Variants in STYXL2 observed in about 807,000 individuals in gnomAD.
STYXL2 encodes the protein serine/threonine/tyrosine interacting like 2.
A neutral mutation model predicts 52.4 loss-of-function variants in STYXL2; 44 were observed. The observed-to-expected ratio is 0.84, with a 90% confidence interval of 0.66 to 1.08. The LOEUF is 1.08. Among genes scored for constraint, STYXL2 ranks in the 50% least tolerant of loss-of-function variants. STYXL2 has a pLI of 0.00. For missense variants in STYXL2, 1,604 were observed against 1,471.7 expected, an observed-to-expected ratio of 1.09 and a Z score of -1.47; for synonymous variants, 604 against 586.9, an observed-to-expected ratio of 1.03 and a Z score of -0.42.
chr1:167,124,667 G>C (rs1667923718), intron 5 of STYXL2, among the ~76,000 whole-genome samples: 1 of 152,226 alleles, frequency 6.6e-6, no homozygotes, highest in Non-Finnish European at 1.5e-5. Flanking sequence ...AAAGATGTTA[G>C]TAGGAATTTG....
chr1:167,098,003 C>CTT (rs35037292), intron 2 of STYXL2, among the ~76,000 whole-genome samples: 91 of 96,572 alleles, frequency 9.4e-4, no homozygotes, highest in Non-Finnish European at 1.1e-3. Flanking sequence ...TCTCTACAAA[C>CTT]TTTTTTTTTT....
At chr1:167,111,234 A>G (rs1667609627) in intron 2 of STYXL2, among the ~76,000 whole-genome samples, 1 of 151,850 alleles carries the variant, frequency 6.6e-6, no homozygotes, top group African/African-American at 2.4e-5. Context: ...GCTTGTGGGA[A>G]TGTAAACTAG....
At chr1:167,116,235 T>C (rs184504551) in intron 3 of STYXL2, among the ~76,000 whole-genome samples, 5 of 152,362 alleles carry the variant, frequency 3.3e-5, no homozygotes, top group Admixed American at 1.3e-4. Flanking sequence ...CCAAATTTGA[T>C]AAACTGTGAG....
chr1:167,121,987 T>A (rs1667866007), intron 5 of STYXL2, among the ~76,000 whole-genome samples: 1 of 152,126 alleles, frequency 6.6e-6, no homozygotes. Context: ...TTTAGGAGAC[T>A]TGGGAGTCAG....
intron 2 of STYXL2, among the ~76,000 whole-genome samples, chr1:167,110,977 T>A (rs1219258015): frequency 6.6e-6 from 1 of 152,186 alleles, no homozygotes; most frequent in South Asian, 2.1e-4. Flanking sequence ...GCCATTGAGA[T>A]GCTTTCTCTC....
intron 5 of STYXL2, among the ~76,000 whole-genome samples, chr1:167,123,350 A>C (rs1027153393): frequency 2.0e-5 from 3 of 152,316 alleles, no homozygotes; most frequent in African/African-American, 7.2e-5. Context: ...TGGCACCCCA[A>C]CCTGGTCTCC....
intron 2 of STYXL2, 98 bp downstream of exon 2, chr1:167,095,057 G>A (rs556758197): frequency 5.2e-5 from 42 of 803,760 alleles, no homozygotes; most frequent in African/African-American, 3.8e-4. Flanking sequence ...CCATCACCTC[G>A]GTTCACTCAT....
intron 2 of STYXL2, among the ~76,000 whole-genome samples, chr1:167,106,343 G>C (rs536320513): frequency 2.0e-5 from 3 of 152,242 alleles, no homozygotes; most frequent in African/African-American, 7.2e-5. Flanking sequence ...ATACTGATTA[G>C]AGATGTGAGA....
At position 167,097,558 on chromosome 1, in the gene STYXL2, A is replaced by G. The variant is rs115384363; in HGVS notation, c.110+2599A>G. Among the ~76,000 whole-genome samples, 1,353 of 152,322 alleles carry G rather than the reference A, an allele frequency of 8.9e-3. 7 individuals are homozygous for G. Among genetic ancestry groups the G allele is most frequent in the African/African-American group, 0.03 (1,267 of 41,562 alleles). ...TAGTGTAATTGTTAGAAAGTTTTGCAGTGGAGTGTATAGCTAACAAGCTCA... is the reference window on the plus strand; with the variant it reads ...TAGTGTAATTGTTAGAAAGTTTTGCGGTGGAGTGTATAGCTAACAAGCTCA... On this transcript the variant is annotated intron_variant, in intron 2 of 5. Coordinates refer to ENST00000361200, the MANE Select transcript of STYXL2 (RefSeq NM_001080426.3).
chr1:167,097,814 C>A (rs1667320833), intron 2 of STYXL2, among the ~76,000 whole-genome samples: 1 of 151,790 alleles, frequency 6.6e-6, no homozygotes, highest in Non-Finnish European at 1.5e-5. Flanking sequence ...CAAAGATGGT[C>A]AAACTCAATT....
At position 167,126,687 on chromosome 1, in the gene STYXL2, A is replaced by G. The variant is rs1667977896; in HGVS notation, c.1556A>G (p.Asp519Gly). 1.9e-6 allele frequency: 3 copies of G among 1,614,082 alleles called. No homozygotes were observed. In the African/African-American group the frequency reaches 4.0e-5, roughly 22 times the overall value. The part of the protein sequence containing the change: ...SEAGSRVRED[D>G]EDSVGSEASS... ...GCAGGGAGCAGGGTGCGGGAGGATG[A>G]TGAGGACAGCGTGGGCTCTGAGGCC... The change falls in exon 6 of 6, where the codon GAT becomes GGT. Residue 519 changes from aspartate (D) to glycine (G), a missense_variant. By Grantham distance (94) the Asp-to-Gly change is moderately conservative. Transcript: ENST00000361200.
chr1:167,113,866 G>C (rs1316785659), intron 3 of STYXL2, 62 bp downstream of exon 3: 5 of 1,320,794 alleles, frequency 3.8e-6, no homozygotes, highest in East Asian at 4.6e-5. Flanking sequence ...CCCTTAGAGG[G>C]GGGCCATTGG....
intron 4 of STYXL2, among the ~76,000 whole-genome samples, chr1:167,118,869 T>C (rs150261350): frequency 3.9e-5 from 6 of 152,338 alleles, no homozygotes; most frequent in Non-Finnish European, 5.9e-5. Flanking sequence ...AATTATAGCA[T>C]GCCATATTAA....
intron 2 of STYXL2, among the ~76,000 whole-genome samples, chr1:167,095,931 T>C (rs1667276671): frequency 6.6e-6 from 1 of 152,142 alleles, no homozygotes; most frequent in Non-Finnish European, 1.5e-5. Flanking sequence ...AAGACAGGAA[T>C]GAGGGCAGGT....
Position 167,117,410 on chromosome 1 carries a change from G to A in STYXL2, c.288G>A (p.Leu96=), listed in dbSNP as rs758012853. Residue 96 remains leucine, a synonymous_variant, in exon 4 of 6, where the codon CTG becomes CTA. Coordinates refer to ENST00000361200, the MANE Select transcript of STYXL2 (RefSeq NM_001080426.3). ...ESAEQLLVED[L]YNRVREKMDD... ...CTGAACAGCTGCTGGTGGAGGACCT[G>A]TACAACCGCGTCAGGGAGAAGATGG... 1 of 1,612,692 alleles carries A rather than the reference G, an allele frequency of 6.2e-7. No homozygotes were observed. The highest frequency in any genetic ancestry group is 1.7e-5 in the Admixed American group (1 of 59,890).
Position 167,119,289 on chromosome 1 carries a change from A to G in STYXL2, c.478A>G (p.Ile160Val). ...CAAGGGGAGGCTGAAGAGGCTGGGAATCACCCACATTCTGAATGCTGCGCA... is the reference window on the plus strand; with the variant it reads ...CAAGGGGAGGCTGAAGAGGCTGGGAGTCACCCACATTCTGAATGCTGCGCA... ...VNKGRLKRLGITHILNAAHGT... is the reference protein window; with the variant it reads ...VNKGRLKRLGVTHILNAAHGT... Residue 160 changes from isoleucine to valine, a missense_variant, in exon 5 of 6, where the codon ATC becomes GTC. Transcript: ENST00000361200. 1 of 1,614,214 alleles carries G rather than the reference A, an allele frequency of 6.2e-7. No homozygotes were observed. The highest frequency in any genetic ancestry group is 2.2e-5 in the East Asian group (1 of 44,876).
intron 2 of STYXL2, among the ~76,000 whole-genome samples, chr1:167,102,574 G>T (rs1667425026): frequency 6.6e-6 from 1 of 152,138 alleles, no homozygotes; most frequent in Non-Finnish European, 1.5e-5. Context: ...TCCAGAAAAA[G>T]ATATCTGACA....
intron 2 of STYXL2, among the ~76,000 whole-genome samples, chr1:167,111,529 CAA>C (rs1667622897): frequency 8.2e-6 from 1 of 121,876 alleles, no homozygotes; most frequent in African/African-American, 2.9e-5. Flanking sequence ...CACACACACA[CAA>C]ATATATATAT....
rs1558023362 is a variant in STYXL2, at chr1:167,117,315, C to T, written c.206-13C>T. 6 of 1,592,906 alleles carry T rather than the reference C, an allele frequency of 3.8e-6. No individual in the cohort carries two copies. Among genetic ancestry groups the T allele is most frequent in the Non-Finnish European group, 5.1e-6 (6 of 1,168,846 alleles). On this transcript the variant is annotated splice_polypyrimidine_tract_variant and intron_variant, in intron 3 of 5. Coordinates refer to ENST00000361200, the MANE Select transcript of STYXL2 (RefSeq NM_001080426.3). ...CCTAACTCTCTGATGAGAATGCTGC[C>T]TGTCTCCTCTAGAACTCAAGCCACC...
Sources: allele counts gnomAD v4.1 joint callset (sites outside exome capture counted in the v4.1 genomes callset), GRCh38; gene constraint gnomAD v4.1.1; transcripts MANE v1.5; gene names NCBI Gene and HGNC (gene_info 2026-07-23, HGNC 2026-07-21).